The following COL25A1 variants were observed in gnomAD, a reference collection of about 807,000 sequenced individuals.
COL25A1 encodes collagen type XXV alpha 1 chain, also known as collagen alpha-1(XXV) chain.
COL25A1 carries 103 observed loss-of-function variants against 128.4 expected under a neutral mutation model. The observed-to-expected ratio is 0.80, with a 90% CI of 0.68 to 0.94. The LOEUF (loss-of-function observed/expected upper bound fraction) is 0.94, where lower values mean the gene tolerates loss of function less well. COL25A1 is among the 40% of genes least tolerant of loss of function. The pLI, the probability that COL25A1 is intolerant of heterozygous loss-of-function variation, is 0.00. For missense variants in COL25A1, 745 were observed against 840.0 expected (o/e 0.89, Z 1.40); for synonymous variants, 279 against 277.2 (o/e 1.01, Z -0.06).
intron 3 of COL25A1, among the ~76,000 whole-genome samples, chr4:109,197,449 AT>A: frequency 8.3e-6 from 1 of 120,026 alleles, no homozygotes; most frequent in South Asian, 2.4e-4. Context: ...TATTATATAT[AT>A]TATATATAAA....
At position 108,819,281 on chromosome 4, in the gene COL25A1, G is replaced by A; in HGVS notation, c.1894C>T (p.Leu632=). 1.9e-6 allele frequency: 3 copies of A among 1,613,278 alleles called. No individual in the cohort carries two copies. The highest frequency in any genetic ancestry group is 2.5e-6 in the Non-Finnish European group (3 of 1,179,714). ...GEKGEPGQPG[L]DGLDAPCQLG... Reference sequence around the variant, plus strand: ...TGGCAAGGGGCATCCAGCCCATCCAGGCCAGGCTGGCCTGGCTCCCCTTTT... The same window carrying A: ...TGGCAAGGGGCATCCAGCCCATCCAAGCCAGGCTGGCCTGGCTCCCCTTTT... Residue 632 remains leucine (L), a synonymous_variant, in exon 36 of 38, where the codon CTG becomes TTG. Transcript: ENST00000399132.
chr4:109,234,425 T>C (rs10005445), intron 3 of COL25A1, among the ~76,000 whole-genome samples: 45,665 of 151,840 alleles, frequency 0.3, 7,127 homozygotes, highest in Middle Eastern at 0.39. Flanking sequence ...TTGACAATTG[T>C]TAATATTAGT....
rs986851302 is a variant in COL25A1 at position 108,852,939 on chromosome 4, G to T, written c.1321-14C>A. ...GGTGGTAATCCTCTGTTGGGAAAAT[G>T]TGTTGACAAAGACAGAGTTATCTAT... On this transcript the variant is annotated splice_polypyrimidine_tract_variant and intron_variant, in intron 24 of 37. Coordinates refer to ENST00000399132, the MANE Select transcript of COL25A1 (RefSeq NM_198721.4). 6.2e-7 allele frequency: 1 copy of T among 1,607,874 alleles called. No homozygotes were observed. The highest frequency in any genetic ancestry group is 1.7e-5 in the Admixed American group (1 of 59,368).
At chr4:109,110,733 C>A (rs1246307899) in intron 3 of COL25A1, among the ~76,000 whole-genome samples, 2 of 152,162 alleles carry the variant, frequency 1.3e-5, no homozygotes, top group Non-Finnish European at 2.9e-5. Flanking sequence ...GTGCAATTGT[C>A]TACCCAGAAA....
intron 5 of COL25A1, among the ~76,000 whole-genome samples, chr4:109,046,430 A>G (rs1760437302): frequency 6.6e-6 from 1 of 152,210 alleles, no homozygotes. Flanking sequence ...TAAGGCAGAA[A>G]TGAGATTTAA....
intron 3 of COL25A1, among the ~76,000 whole-genome samples, chr4:109,225,732 T>G (rs1382085459): frequency 6.6e-6 from 1 of 152,120 alleles, no homozygotes; most frequent in African/African-American, 2.4e-5. Flanking sequence ...AAAGAAACTG[T>G]TGTGTGTGTA....
intron 3 of COL25A1, among the ~76,000 whole-genome samples, chr4:109,100,661 T>TCTTTAACAC (rs1765811965): frequency 6.6e-6 from 1 of 152,206 alleles, no homozygotes; most frequent in East Asian, 1.9e-4. Context: ...AAAAATCTCT[T>TCTTTAACAC]CTTTAACACC....
At chr4:109,111,810 C>T (rs1475764829) in intron 3 of COL25A1, among the ~76,000 whole-genome samples, 1 of 152,096 alleles carries the variant, frequency 6.6e-6, no homozygotes, top group Non-Finnish European at 1.5e-5. Flanking sequence ...CAAAGGAAGA[C>T]TGTAGTATTT....
At chr4:109,106,871 G>C (rs979855526) in intron 3 of COL25A1, among the ~76,000 whole-genome samples, 2 of 152,160 alleles carry the variant, frequency 1.3e-5, no homozygotes, top group Non-Finnish European at 2.9e-5. Flanking sequence ...AAGCTCAAGT[G>C]ATCCTCCCAC....
chr4:109,075,597 G>T (rs1382198221), intron 3 of COL25A1, among the ~76,000 whole-genome samples: 1 of 151,962 alleles, frequency 6.6e-6, no homozygotes, highest in Non-Finnish European at 1.5e-5. Flanking sequence ...CACACTTTTA[G>T]ATTATACTTT....
intron 3 of COL25A1, among the ~76,000 whole-genome samples, chr4:109,163,350 C>A (rs1256728125): frequency 2.0e-5 from 3 of 152,176 alleles, no homozygotes; most frequent in Non-Finnish European, 4.4e-5. Context: ...AGTTCATCTG[C>A]CCAAAATTGT....
At chr4:109,082,719 A>G (rs1763948664) in intron 3 of COL25A1, among the ~76,000 whole-genome samples, 1 of 152,072 alleles carries the variant, frequency 6.6e-6, no homozygotes, top group Non-Finnish European at 1.5e-5. Context: ...TGATTTGCAA[A>G]TATCTTCCCC....
At chr4:109,025,912 G>C (rs1758220795) in intron 5 of COL25A1, among the ~76,000 whole-genome samples, 1 of 152,066 alleles carries the variant, frequency 6.6e-6, no homozygotes, top group African/African-American at 2.4e-5. Context: ...AAAAGGGGAA[G>C]TTCAAACTAT....
intron 27 of COL25A1, 84 bp from the exon 28 acceptor site, chr4:108,846,303 A>T: frequency 1.2e-6 from 1 of 861,304 alleles, no homozygotes; most frequent in Non-Finnish European, 2.0e-6. Flanking sequence ...ATTCCGATCA[A>T]TTTCGTTAAT....
At chr4:109,084,992 C>T (rs536371301) in intron 3 of COL25A1, among the ~76,000 whole-genome samples, 83 of 152,108 alleles carry the variant, frequency 5.5e-4, no homozygotes, top group Non-Finnish European at 1.0e-3. Flanking sequence ...ATTCAATAAC[C>T]TTTCTCTTTT....
intron 8 of COL25A1, among the ~76,000 whole-genome samples, chr4:108,944,677 C>T (rs764192065): frequency 1.6e-4 from 25 of 151,560 alleles, no homozygotes; most frequent in Non-Finnish European, 3.2e-4. Flanking sequence ...TCTATTTGAT[C>T]GTATTTTCAA....
intron 3 of COL25A1, among the ~76,000 whole-genome samples, chr4:109,192,762 G>A (rs1376523080): frequency 6.6e-6 from 1 of 152,074 alleles, no homozygotes; most frequent in African/African-American, 2.4e-5. Flanking sequence ...GCTGAGGCAG[G>A]AGAATGGCAT....
In COL25A1 at chr4:108,809,532, TG is replaced by T. The variant is rs1560681047; in HGVS notation, c.*4394del. On this transcript the variant is annotated 3_prime_UTR_variant, in exon 38 of 38. Transcript: ENST00000399132. Reference sequence around the variant, plus strand: ...ATAAATCACACATAACGGTTTAGGTTGAAAAAGTCTTCTTATGCCCAAAAGG... The same window carrying T: ...ATAAATCACACATAACGGTTTAGGTTAAAAAGTCTTCTTATGCCCAAAAGG... The T allele has an allele frequency of 8.9e-6, 1 of 112,024 alleles. No individual in the cohort carries two copies. Among genetic ancestry groups the T allele is most frequent in the East Asian group, 2.7e-4 (1 of 3,640 alleles). 6.9% of individuals were successfully genotyped at this position (112,024 alleles called of 1,614,324 possible). A position where few individuals can be genotyped will look rare whatever the true frequency, so the allele number is the denominator to read the frequency against.
intron 3 of COL25A1, among the ~76,000 whole-genome samples, chr4:109,131,382 T>A (rs1160831947): frequency 1.3e-5 from 2 of 152,204 alleles, no homozygotes; most frequent in Non-Finnish European, 2.9e-5. Context: ...TCTATACTGA[T>A]GTGGCAGAAA....
Sources: gnomAD v4.1 joint callset for allele counts (sites outside exome capture counted in the v4.1 genomes callset) on GRCh38, gnomAD v4.1.1 for gene constraint, MANE v1.5 for transcripts, NCBI Gene and HGNC (gene_info 2026-07-23, HGNC 2026-07-21) for gene names.